B3GALT1: variants seen among roughly 807,000 people sequenced by gnomAD.
B3GALT1 encodes the protein beta-1,3-galactosyltransferase 1, also known as UDP-Gal:betaGlcNAc beta 1,3-galactosyltransferase, polypeptide 1.
A neutral mutation model predicts 23.2 loss-of-function variants in B3GALT1; 10 were observed. The ratio of observed to expected loss-of-function variants is 0.43; its 90% confidence interval spans 0.27 to 0.73. The LOEUF is 0.73. Ranked by LOEUF, B3GALT1 falls within the 30% of genes least tolerant of loss-of-function variation. The pLI is 0.21. For missense variants in B3GALT1, 299 were observed against 405.4 expected (o/e 0.74, Z 2.25); for synonymous variants, 156 against 141.5 (o/e 1.10, Z -0.73).
intron 1 of B3GALT1, among the ~76,000 whole-genome samples, chr2:167,434,876 G>A (rs1286245520): frequency 6.6e-6 from 1 of 151,980 alleles, no homozygotes; most frequent in African/African-American, 2.4e-5. Context: ...CTGAAAAGCA[G>A]CAAACAAAAC....
chr2:167,521,982 GTGTA>G (rs372353327), intron 2 of B3GALT1, among the ~76,000 whole-genome samples: 9,933 of 135,126 alleles, frequency 0.074, 453 homozygotes, highest in African/African-American at 0.13. Flanking sequence ...GTGTGTGTGT[GTGTA>G]TATATATATA....
At chr2:167,644,455 A>G (rs775147221) in intron 2 of B3GALT1, among the ~76,000 whole-genome samples, 2 of 152,120 alleles carry the variant, frequency 1.3e-5, no homozygotes, top group Non-Finnish European at 2.9e-5. Flanking sequence ...TAAAGGAAAC[A>G]TTTTTCAAGC....
intron 1 of B3GALT1, among the ~76,000 whole-genome samples, chr2:167,442,446 A>T (rs577636651): frequency 1.5e-3 from 222 of 152,140 alleles, no homozygotes; most frequent in African/African-American, 5.0e-3. Context: ...TCCCTGAGGA[A>T]TCGCCACACT....
rs376018542 is a variant in B3GALT1 at position 167,558,743 on chromosome 2, C to T, written c.-410+68466C>T. Among the ~76,000 whole-genome samples the T allele has an allele frequency of 1.6e-4, 25 of 152,286 alleles. No individual in the cohort carries two copies. The East Asian group carries it at 2.5e-3, about 15-fold the overall frequency. On this transcript the variant is annotated intron_variant, in intron 2 of 4. Coordinates refer to ENST00000392690, the MANE Select transcript of B3GALT1 (RefSeq NM_020981.4). ...CTGAGATCAAACTGCAAGGTGGCAGCGAGGCTGGGGGAGGGGCGCCCACCA... is the reference window on the plus strand; with the variant it reads ...CTGAGATCAAACTGCAAGGTGGCAGTGAGGCTGGGGGAGGGGCGCCCACCA...
At chr2:167,692,593 A>G (rs6716515) in intron 3 of B3GALT1, among the ~76,000 whole-genome samples, 68,497 of 151,904 alleles carry the variant, frequency 0.45, 15,883 homozygotes, top group Admixed American at 0.57. Context: ...TATTAACTTG[A>G]TGCAAGCTTT....
chr2:167,375,601 T>C (rs1420817750), intron 1 of B3GALT1, among the ~76,000 whole-genome samples: 1 of 152,138 alleles, frequency 6.6e-6, no homozygotes. Flanking sequence ...TGTGTGGCTA[T>C]TGTAAATGGG....
At position 167,323,823 on chromosome 2, in the gene B3GALT1, AGACATT is replaced by A. The variant is rs1174480149; in HGVS notation, c.-511+30490_-511+30495del. Among the ~76,000 whole-genome samples the A allele has an allele frequency of 4.6e-5, 7 of 151,124 alleles. No homozygotes were observed. In the East Asian group the frequency reaches 9.6e-4, roughly 21 times the overall value. ...CTTAACTCAGTACTTCATGCTTGGT[AGACATT>A]CAGAAATTCTTATTTTTTTTTCTTA... On this transcript the variant is annotated intron_variant, in intron 1 of 4. Coordinates refer to ENST00000392690, the MANE Select transcript of B3GALT1 (RefSeq NM_020981.4).
chr2:167,518,223 C>G (rs112109778), intron 2 of B3GALT1, among the ~76,000 whole-genome samples: 1 of 152,068 alleles, frequency 6.6e-6, no homozygotes, highest in Non-Finnish European at 1.5e-5. Context: ...CAATTGTAAT[C>G]TCATTAGCAC....
At chr2:167,532,528 C>T (rs1453929482) in intron 2 of B3GALT1, among the ~76,000 whole-genome samples, 1 of 151,936 alleles carries the variant, frequency 6.6e-6, no homozygotes, top group African/African-American at 2.4e-5. Context: ...TTCTTTACTT[C>T]ACGCTGTTCT....
At chr2:167,633,443 A>G (rs1349936694) in intron 2 of B3GALT1, among the ~76,000 whole-genome samples, 3 of 151,958 alleles carry the variant, frequency 2.0e-5, no homozygotes, top group African/African-American at 7.3e-5. Flanking sequence ...AGATACACAA[A>G]GGCTAAAAAT....
chr2:167,781,736 TTTTG>T (rs1308825406), intron 3 of B3GALT1, among the ~76,000 whole-genome samples: 1 of 151,870 alleles, frequency 6.6e-6, no homozygotes, highest in African/African-American at 2.4e-5. Context: ...CTGCCTCTTT[TTTTG>T]TTTGTTTGTT....
chr2:167,856,264 AG>A (rs1161077521), intron 4 of B3GALT1, among the ~76,000 whole-genome samples: 1 of 152,194 alleles, frequency 6.6e-6, no homozygotes, highest in African/African-American at 2.4e-5. Flanking sequence ...GAAAAACAAG[AG>A]CAAAAAGCAG....
intron 3 of B3GALT1, among the ~76,000 whole-genome samples, chr2:167,724,676 C>G (rs553017799): frequency 6.6e-6 from 1 of 152,140 alleles, no homozygotes; most frequent in Non-Finnish European, 1.5e-5. Context: ...TAAATCATAT[C>G]TTTTTAAGAA....
intron 2 of B3GALT1, among the ~76,000 whole-genome samples, chr2:167,518,637 G>GC (rs1325426451): frequency 6.6e-6 from 1 of 152,056 alleles, no homozygotes; most frequent in Non-Finnish European, 1.5e-5. Context: ...TCGAAAGATG[G>GC]GCGTCTATTC....
chr2:167,585,532 A>G (rs1041404615), intron 2 of B3GALT1, among the ~76,000 whole-genome samples: 1 of 152,220 alleles, frequency 6.6e-6, no homozygotes, highest in Non-Finnish European at 1.5e-5. Flanking sequence ...AATTGCTAAA[A>G]TTTAAGAAAA....
chr2:167,707,871 T>C (rs374274676), intron 3 of B3GALT1, among the ~76,000 whole-genome samples: 67 of 152,238 alleles, frequency 4.4e-4, no homozygotes, highest in African/African-American at 1.5e-3. Context: ...AATTATAAAA[T>C]AGCAGTTACA....
intron 3 of B3GALT1, among the ~76,000 whole-genome samples, chr2:167,804,224 A>C (rs1054710698): frequency 6.6e-6 from 1 of 152,120 alleles, no homozygotes; most frequent in Non-Finnish European, 1.5e-5. Flanking sequence ...TCCTGACTTC[A>C]AGTGATCTGC....
chr2:167,859,760 T>G (rs1039793035), intron 4 of B3GALT1, among the ~76,000 whole-genome samples: 2 of 152,122 alleles, frequency 1.3e-5, no homozygotes, highest in South Asian at 4.1e-4. Flanking sequence ...TAGAAAAGAT[T>G]CATAATTAAA....
intron 1 of B3GALT1, among the ~76,000 whole-genome samples, chr2:167,381,452 G>C (rs1224928409): frequency 6.6e-6 from 1 of 152,174 alleles, no homozygotes; most frequent in Non-Finnish European, 1.5e-5. Flanking sequence ...TTGGTTGCAT[G>C]TTAGAATCAC....
Sources: allele counts gnomAD v4.1 joint callset (sites outside exome capture counted in the v4.1 genomes callset), GRCh38; gene constraint gnomAD v4.1.1; transcripts MANE v1.5; gene names NCBI Gene and HGNC (gene_info 2026-07-23, HGNC 2026-07-21).